MED13L: variants seen among roughly 807,000 people sequenced by gnomAD.
MED13L encodes the protein mediator of RNA polymerase II transcription subunit 13-like.
In MED13L, 7 loss-of-function variants were observed where a neutral mutation model predicts 220.9. The observed-to-expected ratio is 0.03, with a 90% CI of 0.02 to 0.06. MED13L has a LOEUF of 0.06. Ranked by LOEUF, MED13L falls within the 10% of genes least tolerant of loss-of-function variation. MED13L has a pLI of 1.00. For missense variants in MED13L, 1,965 were observed against 2,760.5 expected (o/e 0.71, Z 6.46); for synonymous variants, 1,011 against 1,015.2 (o/e 1.00, Z 0.08).
intron 1 of MED13L, 198 bp downstream of exon 1, chr12:116,276,862 G>T: frequency 2.0e-6 from 2 of 1,003,862 alleles, no homozygotes; most frequent in Non-Finnish European, 2.9e-6. Flanking sequence ...TTTTTAAAGA[G>T]CCAAATAAAC....
chr12:116,144,178 C>T (rs1877299867), intron 2 of MED13L, among the ~76,000 whole-genome samples: 2 of 152,336 alleles, frequency 1.3e-5, no homozygotes, highest in South Asian at 4.1e-4. Flanking sequence ...ACACCATTAA[C>T]TCATGTGATT....
intron 1 of MED13L, among the ~76,000 whole-genome samples, chr12:116,241,488 C>G (rs1870647812): frequency 6.6e-6 from 1 of 152,072 alleles, no homozygotes; most frequent in Non-Finnish European, 1.5e-5. Flanking sequence ...GTAATTTACT[C>G]ACTACAACAC....
In MED13L at chr12:115,966,168, C is replaced by T. The variant is rs747734369; in HGVS notation, c.6301G>A (p.Val2101Ile). ...AGATTCTCAGCTTTGGCAGTTGATA[C>T]AAAATACCCAAGGGCCAGGGGCTGC... is the stretch of plus-strand genomic sequence containing the variant. The part of the protein sequence containing the change: ...KQQPLALGYF[V>I]STAKAENLPQ... Residue 2101 changes from valine (V) to isoleucine (I), a missense_variant, in exon 29 of 31, where the codon GTA becomes ATA. By Grantham distance (29) the Val-to-Ile change is conservative. Transcript: ENST00000281928. 6.2e-7 allele frequency: 1 copy of T among 1,614,134 alleles called. No homozygotes were observed. The highest frequency in any genetic ancestry group is 8.5e-7 in the Non-Finnish European group (1 of 1,180,016).
intron 4 of MED13L, among the ~76,000 whole-genome samples, chr12:116,071,808 T>C (rs985335525): frequency 6.8e-6 from 1 of 146,778 alleles, no homozygotes; most frequent in Non-Finnish European, 1.5e-5. Context: ...GTAAACATTA[T>C]TTTATATGGG....
At chr12:116,185,543 G>C (rs908403966) in intron 2 of MED13L, among the ~76,000 whole-genome samples, 1 of 152,010 alleles carries the variant, frequency 6.6e-6, no homozygotes, top group South Asian at 2.1e-4. Flanking sequence ...AAATTCCTTA[G>C]CATACTACTC....
At chr12:115,994,941 G>A (rs1878303756) in intron 16 of MED13L, among the ~76,000 whole-genome samples, 1 of 152,184 alleles carries the variant, frequency 6.6e-6, no homozygotes, top group Non-Finnish European at 1.5e-5. Flanking sequence ...AGGCAGAGCA[G>A]GATTACTCCA....
chr12:116,081,457 A>G (rs1307517806), intron 4 of MED13L, among the ~76,000 whole-genome samples: 3 of 152,232 alleles, frequency 2.0e-5, no homozygotes, highest in Non-Finnish European at 2.9e-5. Context: ...GAATGTATGT[A>G]TAAGAATACA....
intron 4 of MED13L, among the ~76,000 whole-genome samples, chr12:116,087,400 C>A (rs573307701): frequency 6.6e-6 from 1 of 152,128 alleles, no homozygotes; most frequent in Admixed American, 6.5e-5. Context: ...CAACCAAAAG[C>A]AAAAATATGA....
chr12:116,126,785 A>T (rs948464088), intron 2 of MED13L, among the ~76,000 whole-genome samples: 4 of 152,174 alleles, frequency 2.6e-5, no homozygotes, highest in Admixed American at 6.5e-5. Flanking sequence ...CATAATTCTA[A>T]CAAACTGCAC....
chr12:116,234,244 T>G (rs900619378), intron 2 of MED13L, among the ~76,000 whole-genome samples: 3 of 151,780 alleles, frequency 2.0e-5, no homozygotes, highest in Non-Finnish European at 2.9e-5. Flanking sequence ...TTTATTTATT[T>G]ATTGAGATGG....
intron 4 of MED13L, among the ~76,000 whole-genome samples, chr12:116,030,195 G>A (rs550368957): frequency 9.2e-5 from 14 of 152,064 alleles, no homozygotes; most frequent in South Asian, 2.1e-4. Flanking sequence ...TCAAATTTCC[G>A]ACCTCAGGTG....
intron 2 of MED13L, among the ~76,000 whole-genome samples, chr12:116,136,197 G>A (rs915945223): frequency 7.2e-5 from 11 of 152,094 alleles, no homozygotes; most frequent in Admixed American, 2.6e-4. Context: ...CACTGCACCC[G>A]GCCTCAAAGA....
intron 4 of MED13L, among the ~76,000 whole-genome samples, chr12:116,059,481 G>A (rs1869260869): frequency 6.7e-6 from 1 of 149,828 alleles, no homozygotes. Context: ...CAGTGGGTGT[G>A]ATCTTGGCTC....
rs1313256897 is a variant in MED13L, at chr12:116,119,832, A to T, written c.311-8320T>A. Among the ~76,000 whole-genome samples, 946 of 113,378 alleles carry T rather than the reference A, an allele frequency of 8.3e-3. 3 individuals are homozygous for T. The highest frequency in any genetic ancestry group is 0.034 in the Middle Eastern group (8 of 232). 74.4% of individuals were successfully genotyped at this position (113,378 alleles called of 152,430 possible). ...TTTAAAAAAAAAAAAAAAAAAAAAAAAAAAAAATATATATATATATATATA... is the reference window on the plus strand; with the variant it reads ...TTTAAAAAAAAAAAAAAAAAAAAAATAAAAAAATATATATATATATATATA... On this transcript the variant is annotated intron_variant, in intron 2 of 30. Transcript: ENST00000281928.
chr12:116,276,815 A>G, intron 1 of MED13L: 5 of 1,164,040 alleles, frequency 4.3e-6, no homozygotes, highest in Non-Finnish European at 5.8e-6. Context: ...AGACTTCCAC[A>G]TGCAAATTCC....
chr12:116,277,013 C>A lies in MED13L; in HGVS notation c.72+47G>T, dbSNP rs1444914392. The A allele has an allele frequency of 2.3e-5, 29 of 1,284,198 alleles. 1 individual carries two copies. The highest frequency in any genetic ancestry group is 2.3e-4 in the Middle Eastern group (1 of 4,260). 79.6% of individuals were successfully genotyped at this position (1,284,198 alleles called of 1,614,324 possible). On this transcript the variant is annotated intron_variant, in intron 1 of 30. Transcript: ENST00000281928. ...TGGTCGGCGGCGGAGGTCGGGGACC[C>A]CCCCCCTTCCCCGGCACAGCCCCCT...
chr12:116,207,247 T>C (rs901736517), intron 2 of MED13L, among the ~76,000 whole-genome samples: 4 of 152,082 alleles, frequency 2.6e-5, no homozygotes, highest in African/African-American at 9.7e-5. Flanking sequence ...AAGATTCTCC[T>C]GCCTCACCCT....
chr12:116,161,190 G>T (rs778609759), intron 2 of MED13L, among the ~76,000 whole-genome samples: 1 of 152,006 alleles, frequency 6.6e-6, no homozygotes, highest in Non-Finnish European at 1.5e-5. Context: ...TCACCTAATA[G>T]GCCCCAACTC....
At chr12:116,084,540 TTTA>T (rs1194549291) in intron 4 of MED13L, among the ~76,000 whole-genome samples, 1 of 152,230 alleles carries the variant, frequency 6.6e-6, no homozygotes, top group Non-Finnish European at 1.5e-5. Context: ...AGAAATATTA[TTTA>T]TTCAAGAACA....
Sources: gnomAD v4.1 joint callset for allele counts (sites outside exome capture counted in the v4.1 genomes callset) on GRCh38, gnomAD v4.1.1 for gene constraint, MANE v1.5 for transcripts, NCBI Gene and HGNC (gene_info 2026-07-23, HGNC 2026-07-21) for gene names.